Variants in IGF2BP2 observed in about 807,000 individuals in gnomAD.
IGF2BP2 encodes insulin-like growth factor 2 mRNA-binding protein 2.
Under a neutral mutation model 75.8 loss-of-function variants are expected in IGF2BP2, and 17 were observed. The ratio of observed to expected loss-of-function variants is 0.22; its 90% CI spans 0.15 to 0.34. The LOEUF (loss-of-function observed/expected upper bound fraction) is 0.34. Ranked by LOEUF, IGF2BP2 falls within the 10% of genes least tolerant of loss-of-function variation. IGF2BP2 has a pLI of 1.00. For missense variants in IGF2BP2, 516 were observed against 772.4 expected (o/e 0.67, Z 3.93); for synonymous variants, 288 against 295.6 (o/e 0.97, Z 0.26).
At chr3:185,751,116 G>A (rs959084155) in intron 2 of IGF2BP2, among the ~76,000 whole-genome samples, 8 of 152,210 alleles carry the variant, frequency 5.3e-5, no homozygotes, top group African/African-American at 1.9e-4. Flanking sequence ...GGGAGGCCAA[G>A]GCACAAGAAC....
At chr3:185,653,250 T>TA (rs1714899083) in intron 12 of IGF2BP2, among the ~76,000 whole-genome samples, 1 of 152,076 alleles carries the variant, frequency 6.6e-6, no homozygotes, top group East Asian at 1.9e-4. Flanking sequence ...CCTGCTTTAT[T>TA]AAAAAAAACT....
chr3:185,757,973 T>C (rs756021959), intron 2 of IGF2BP2, among the ~76,000 whole-genome samples: 1 of 152,230 alleles, frequency 6.6e-6, no homozygotes, highest in Non-Finnish European at 1.5e-5. Flanking sequence ...CTAACCTTTA[T>C]TAACACTATG....
intron 2 of IGF2BP2, among the ~76,000 whole-genome samples, chr3:185,720,544 C>T (rs1207695668): frequency 6.6e-6 from 1 of 152,130 alleles, no homozygotes; most frequent in Non-Finnish European, 1.5e-5. Flanking sequence ...TCTGGTGAGC[C>T]AGGGGAGCCC....
intron 2 of IGF2BP2, among the ~76,000 whole-genome samples, chr3:185,761,711 C>G (rs934014593): frequency 6.6e-6 from 1 of 152,226 alleles, no homozygotes; most frequent in Admixed American, 6.5e-5. Context: ...ATCAACTAAT[C>G]TGGACCCAAG....
At chr3:185,823,873 G>A (rs1215682775) in intron 1 of IGF2BP2, among the ~76,000 whole-genome samples, 1 of 151,706 alleles carries the variant, frequency 6.6e-6, no homozygotes, top group African/African-American at 2.4e-5. Context: ...GCGAGTGTGT[G>A]TGTGTGTCGC....
intron 2 of IGF2BP2, chr3:185,717,573 GA>G (rs1160643154): frequency 3.3e-5 from 5 of 152,340 alleles, no homozygotes; most frequent in African/African-American, 1.2e-4. Flanking sequence ...AAGGCTAGAA[GA>G]AAAGAAGCCC....
At chr3:185,809,664 T>A (rs550300689) in intron 2 of IGF2BP2, among the ~76,000 whole-genome samples, 42 of 151,924 alleles carry the variant, frequency 2.8e-4, no homozygotes, top group East Asian at 5.8e-4. Context: ...AGAAAAAAAA[T>A]TTTTTAATAA....
intron 10 of IGF2BP2, among the ~76,000 whole-genome samples, chr3:185,664,357 C>T (rs1248319886): frequency 6.6e-6 from 1 of 152,132 alleles, no homozygotes; most frequent in Non-Finnish European, 1.5e-5. Flanking sequence ...AGAAAAAGCT[C>T]CCCTAAGGAT....
chr3:185,666,114 A>G (rs149234742), intron 10 of IGF2BP2, among the ~76,000 whole-genome samples: 1 of 152,338 alleles, frequency 6.6e-6, no homozygotes, highest in African/African-American at 2.4e-5. Context: ...TGTGAAGGAA[A>G]AAGGACACTT....
intron 2 of IGF2BP2, among the ~76,000 whole-genome samples, chr3:185,704,894 T>C (rs1429150754): frequency 2.6e-5 from 4 of 152,186 alleles, no homozygotes; most frequent in African/African-American, 9.7e-5. Context: ...TCCGCCTCTA[T>C]GGAATCCAAA....
At chr3:185,809,926 A>G (rs545045697) in intron 2 of IGF2BP2, among the ~76,000 whole-genome samples, 1 of 152,206 alleles carries the variant, frequency 6.6e-6, no homozygotes, top group East Asian at 1.9e-4. Context: ...ATGGAACTTC[A>G]AATTTTTTAA....
In IGF2BP2 at chr3:185,675,932, A is replaced by G; in HGVS notation, c.813-19T>C. ...TTCGGCTCTAAAAGAGACAAGCAGC[A>G]AGTTAACACTTCAGATACGTATAAC... On this transcript the variant is annotated intron_variant, in intron 7 of 15. Transcript: ENST00000382199. The G allele has an allele frequency of 6.2e-7, 1 of 1,613,198 alleles. No homozygotes were observed. The highest frequency in any genetic ancestry group is 8.5e-7 in the Non-Finnish European group (1 of 1,179,692).
intron 6 of IGF2BP2, 99 bp downstream of exon 6, chr3:185,689,256 A>G: frequency 8.0e-7 from 1 of 1,249,744 alleles, no homozygotes; most frequent in South Asian, 1.4e-5. Flanking sequence ...ACAGCCCCCC[A>G]CTGCTGATGT....
At chr3:185,675,730 A>T (rs1474305855) in intron 8 of IGF2BP2, 61 bp downstream of exon 8, 2 of 1,578,124 alleles carry the variant, frequency 1.3e-6, no homozygotes, top group Admixed American at 1.8e-5. Flanking sequence ...AATGAACTAG[A>T]CGTATCGAAA....
intron 2 of IGF2BP2, among the ~76,000 whole-genome samples, chr3:185,775,230 T>C (rs1734398667): frequency 1.3e-5 from 2 of 152,332 alleles, no homozygotes; most frequent in South Asian, 4.1e-4. Flanking sequence ...GAGAGCTCAG[T>C]AAATGATGGC....
At chr3:185,658,054 G>A (rs1054513835) in intron 11 of IGF2BP2, among the ~76,000 whole-genome samples, 4 of 152,170 alleles carry the variant, frequency 2.6e-5, no homozygotes, top group African/African-American at 7.2e-5. Context: ...CCAACAGCAC[G>A]TGCTCATCTG....
intron 2 of IGF2BP2, among the ~76,000 whole-genome samples, chr3:185,784,243 T>C (rs1193336179): frequency 2.0e-5 from 3 of 150,202 alleles, no homozygotes; most frequent in African/African-American, 7.5e-5. Context: ...TCTAAATAAA[T>C]AAACAAGTAG....
intron 4 of IGF2BP2, 145 bp from the exon 5 acceptor site, chr3:185,692,907 T>C (rs1447249233): frequency 4.5e-6 from 3 of 666,654 alleles, no homozygotes; most frequent in Non-Finnish European, 8.0e-6. Flanking sequence ...CGTTTATTCA[T>C]CTGAGTTCAC....
intron 7 of IGF2BP2, among the ~76,000 whole-genome samples, chr3:185,682,532 C>G (rs1300052098): frequency 2.0e-5 from 3 of 152,064 alleles, no homozygotes; most frequent in African/African-American, 7.2e-5. Flanking sequence ...ACCAACTGGA[C>G]TAATATATAG....
Sources: gnomAD v4.1 joint callset for allele counts (sites outside exome capture counted in the v4.1 genomes callset) on GRCh38, gnomAD v4.1.1 for gene constraint, MANE v1.5 for transcripts, NCBI Gene and HGNC (gene_info 2026-07-23, HGNC 2026-07-21) for gene names.